Variants in SLC25A21 observed in about 807,000 individuals in gnomAD.
SLC25A21 encodes mitochondrial 2-oxodicarboxylate carrier.
Under a neutral mutation model 43.8 loss-of-function variants are expected in SLC25A21, and 47 were observed. The ratio of observed to expected loss-of-function variants is 1.07; its 90% CI spans 0.85 to 1.37. SLC25A21 has a LOEUF of 1.37. SLC25A21 is among the 40% of genes most tolerant of loss of function. The pLI is 0.00. For synonymous variants in SLC25A21, 131 were observed against 121.3 expected (o/e 1.08, Z -0.52); for missense variants, 352 against 350.2 (o/e 1.00, Z -0.04).
intron 7 of SLC25A21, among the ~76,000 whole-genome samples, chr14:36,697,510 T>C (rs1883079971): frequency 6.6e-6 from 1 of 152,236 alleles, no homozygotes; most frequent in South Asian, 2.1e-4. Flanking sequence ...GACAGTGGGG[T>C]GTTAAAGTCT....
intron 1 of SLC25A21, among the ~76,000 whole-genome samples, chr14:36,985,059 A>T (rs1263459489): frequency 1.3e-5 from 2 of 151,760 alleles, no homozygotes; most frequent in East Asian, 3.9e-4. Flanking sequence ...CATCATTCTC[A>T]GTAAACTATC....
intron 1 of SLC25A21, among the ~76,000 whole-genome samples, chr14:36,935,375 C>T (rs1348332949): frequency 1.3e-5 from 2 of 152,122 alleles, no homozygotes; most frequent in African/African-American, 4.8e-5. Context: ...TGTCCCTAGG[C>T]CCAAGTTTAA....
chr14:36,848,421 G>C (rs898882024), intron 2 of SLC25A21, among the ~76,000 whole-genome samples: 2 of 152,156 alleles, frequency 1.3e-5, no homozygotes, highest in Admixed American at 1.3e-4. Flanking sequence ...TCCAAATTAT[G>C]CAACTTTGGA....
chr14:36,787,838 GT>G (rs1464105034), intron 3 of SLC25A21, among the ~76,000 whole-genome samples: 2 of 152,012 alleles, frequency 1.3e-5, no homozygotes, highest in South Asian at 2.1e-4. Flanking sequence ...CCCTGTTTGG[GT>G]TTTTTTCATG....
intron 3 of SLC25A21, among the ~76,000 whole-genome samples, chr14:36,794,469 T>G (rs1051057342): frequency 6.6e-6 from 1 of 152,160 alleles, no homozygotes; most frequent in African/African-American, 2.4e-5. Flanking sequence ...ATTGATGATA[T>G]ATATATAAAC....
chr14:37,086,168 T>A (rs980016055), intron 1 of SLC25A21, among the ~76,000 whole-genome samples: 3 of 152,288 alleles, frequency 2.0e-5, no homozygotes, highest in African/African-American at 4.8e-5. Flanking sequence ...GGGTTTTTTT[T>A]ATTATTGTTG....
intron 2 of SLC25A21, among the ~76,000 whole-genome samples, chr14:36,825,164 T>C (rs1355577397): frequency 6.6e-6 from 1 of 152,174 alleles, no homozygotes. Flanking sequence ...GCTTACTTAT[T>C]TCCAAGTGTT....
At chr14:36,908,065 G>T (rs1891583089) in intron 1 of SLC25A21, among the ~76,000 whole-genome samples, 1 of 152,068 alleles carries the variant, frequency 6.6e-6, no homozygotes, top group African/African-American at 2.4e-5. Context: ...ATTTCAGGGA[G>T]GTGGAATGAT....
At chr14:36,874,725 G>A (rs1890469321) in intron 2 of SLC25A21, among the ~76,000 whole-genome samples, 1 of 152,086 alleles carries the variant, frequency 6.6e-6, no homozygotes, top group East Asian at 1.9e-4. Flanking sequence ...ATATCTTACG[G>A]TTGTCATATA....
chr14:36,696,294 G>A (rs1383108809), intron 7 of SLC25A21, among the ~76,000 whole-genome samples: 5 of 152,190 alleles, frequency 3.3e-5, no homozygotes, highest in African/African-American at 4.8e-5. Flanking sequence ...TTGATGTGCT[G>A]CTGGATTCGG....
At chr14:36,953,521 C>T (rs74982991) in intron 1 of SLC25A21, among the ~76,000 whole-genome samples, 9,284 of 151,582 alleles carry the variant, frequency 0.061, 406 homozygotes, top group Middle Eastern at 0.15. Context: ...AATCCCTGCA[C>T]AATGTAGGTT....
At chr14:36,683,539 C>T (rs1010202494) in intron 9 of SLC25A21, among the ~76,000 whole-genome samples, 5 of 152,206 alleles carry the variant, frequency 3.3e-5, no homozygotes, top group East Asian at 1.9e-4. Context: ...GCACACACCT[C>T]GGCTCTCACT....
At chr14:36,688,648 T>C (rs1029011497) in intron 7 of SLC25A21, among the ~76,000 whole-genome samples, 3 of 152,120 alleles carry the variant, frequency 2.0e-5, no homozygotes, top group African/African-American at 7.2e-5. Context: ...CTTGGCCTCC[T>C]CTCTTCCCAC....
At position 36,729,512 on chromosome 14, in the gene SLC25A21, C is replaced by T. The variant is rs771042808; in HGVS notation, c.325G>A (p.Ala109Thr). 34 of 1,606,152 alleles carry T rather than the reference C, an allele frequency of 2.1e-5. No homozygotes were observed. Among genetic ancestry groups the T allele is most frequent in the Non-Finnish European group, 2.7e-5 (32 of 1,176,614 alleles). The change falls in exon 5 of 10, where the codon GCA (alanine) becomes ACA (threonine). Residue 109 changes from alanine (A) to threonine (T), a missense_variant. By Grantham distance (58) the Ala-to-Thr change is moderately conservative. Coordinates refer to ENST00000331299, the MANE Select transcript of SLC25A21 (RefSeq NM_030631.4). ...KLLGYVSLSP[A>T]LTFAIAGLGS... ...TAATAAATACTCTCACTTACCAATG[C>T]TGGTGACAGTGACACATATCCCAGC...
chr14:37,094,075 G>A (rs1251843214), intron 1 of SLC25A21, among the ~76,000 whole-genome samples: 2 of 152,040 alleles, frequency 1.3e-5, no homozygotes, highest in African/African-American at 2.4e-5. Context: ...AATTATCTGC[G>A]GTTATGCAAT....
chr14:37,043,806 C>T (rs1961525425), intron 1 of SLC25A21, among the ~76,000 whole-genome samples: 1 of 152,112 alleles, frequency 6.6e-6, no homozygotes, highest in Admixed American at 6.6e-5. Context: ...ACAATCATGG[C>T]TCACTGCAAC....
At chr14:37,033,472 A>G (rs1183462629) in intron 1 of SLC25A21, among the ~76,000 whole-genome samples, 1 of 152,242 alleles carries the variant, frequency 6.6e-6, no homozygotes, top group East Asian at 1.9e-4. Flanking sequence ...CTAAGCAGCA[A>G]TAATAAAGAA....
At chr14:36,786,117 GATTT>G (rs1566612306) in intron 3 of SLC25A21, among the ~76,000 whole-genome samples, 1 of 152,188 alleles carries the variant, frequency 6.6e-6, no homozygotes. Flanking sequence ...GAAACGCCTG[GATTT>G]ATTTATTAGC....
intron 3 of SLC25A21, among the ~76,000 whole-genome samples, chr14:36,771,274 C>T (rs1886608920): frequency 6.6e-6 from 1 of 152,040 alleles, no homozygotes; most frequent in Non-Finnish European, 1.5e-5. Context: ...AAAACAGAAA[C>T]ACTACAACTA....
Sources: allele counts gnomAD v4.1 joint callset (sites outside exome capture counted in the v4.1 genomes callset), GRCh38; gene constraint gnomAD v4.1.1; transcripts MANE v1.5; gene names NCBI Gene and HGNC (gene_info 2026-07-23, HGNC 2026-07-21).